The following CLASP1 variants were observed in gnomAD, a reference collection of about 807,000 sequenced individuals.
CLASP1 encodes the protein CLIP-associating protein 1.
A neutral mutation model predicts 192.3 loss-of-function variants in CLASP1; 38 were observed. That is an observed-to-expected ratio of 0.20 (90% CI 0.15 to 0.26). The LOEUF (loss-of-function observed/expected upper bound fraction) is 0.26, where lower values mean the gene tolerates loss of function less well. Among genes scored for constraint, CLASP1 ranks in the 10% least tolerant of loss-of-function variants. CLASP1 has a pLI of 1.00. For synonymous variants in CLASP1, 691 were observed against 712.8 expected, an observed-to-expected ratio of 0.97 and a Z score of 0.49; for missense variants, 1,433 against 1,932.5, an observed-to-expected ratio of 0.74 and a Z score of 4.85.
chr2:121,594,069 C>A (rs28446341), intron 2 of CLASP1, among the ~76,000 whole-genome samples: 2,995 of 151,486 alleles, frequency 0.02, 90 homozygotes, highest in African/African-American at 0.068. Flanking sequence ...GAGGCCGAGG[C>A]GGGTGGAGAT....
At chr2:121,516,948 T>C (rs2094314635) in intron 6 of CLASP1, among the ~76,000 whole-genome samples, 1 of 152,186 alleles carries the variant, frequency 6.6e-6, no homozygotes, top group Admixed American at 6.5e-5. Context: ...GGAGAATCAC[T>C]TGGAGGCGGA....
At chr2:121,352,244 C>T (rs377540187) in intron 37 of CLASP1, among the ~76,000 whole-genome samples, 21 of 152,370 alleles carry the variant, frequency 1.4e-4, no homozygotes, top group African/African-American at 4.3e-4. Flanking sequence ...CATGCACAGC[C>T]GGCCTGCCCT....
At chr2:121,627,340 G>A (rs1297958472) in intron 1 of CLASP1, among the ~76,000 whole-genome samples, 2 of 152,142 alleles carry the variant, frequency 1.3e-5, no homozygotes, top group African/African-American at 2.4e-5. Flanking sequence ...AAATGGAAAG[G>A]CTCTTGGTTC....
intron 7 of CLASP1, among the ~76,000 whole-genome samples, chr2:121,508,507 C>T (rs1353199540): frequency 6.6e-6 from 1 of 152,048 alleles, no homozygotes; most frequent in Non-Finnish European, 1.5e-5. Context: ...TTCTACCTTG[C>T]CAGTACTACA....
chr2:121,503,154 T>C lies in CLASP1; in HGVS notation c.712+13A>G. The C allele has an allele frequency of 6.5e-7, 1 of 1,532,730 alleles. No homozygotes were observed. Among genetic ancestry groups the C allele is most frequent in the Non-Finnish European group, 8.8e-7 (1 of 1,131,060 alleles). 94.9% of individuals were successfully genotyped at this position (1,532,730 alleles called of 1,614,324 possible). A position where few individuals can be genotyped will look rare whatever the true frequency, so the allele number is the denominator to read the frequency against. On this transcript the variant is annotated intron_variant, in intron 8 of 39. Coordinates refer to ENST00000263710, the Ensembl canonical transcript of CLASP1. The stretch of plus-strand genomic sequence containing the variant: ...CTGAAAAAGCAAAAGTAGGGATTGC[T>C]TTTTCTACTCACCATTTGCAGATTG...
chr2:121,530,788 C>A (rs932003545), intron 2 of CLASP1: 4 of 589,064 alleles, frequency 6.8e-6, no homozygotes, highest in African/African-American at 5.6e-5. Flanking sequence ...AAGCTAGCTA[C>A]CAGACCGACT....
intron 7 of CLASP1, among the ~76,000 whole-genome samples, chr2:121,511,907 C>T (rs2094147625): frequency 6.6e-6 from 1 of 152,146 alleles, no homozygotes; most frequent in Non-Finnish European, 1.5e-5. Context: ...TCTGCTTTCA[C>T]CTTGGGTTCT....
At chr2:121,411,514 C>T (rs1181660168) in intron 23 of CLASP1, among the ~76,000 whole-genome samples, 4 of 152,054 alleles carry the variant, frequency 2.6e-5, no homozygotes, top group African/African-American at 7.2e-5. Flanking sequence ...ACAAAAATTA[C>T]TTAAAAATCA....
intron 2 of CLASP1, among the ~76,000 whole-genome samples, chr2:121,568,038 C>G (rs982077597): frequency 3.3e-5 from 5 of 152,176 alleles, no homozygotes; most frequent in Non-Finnish European, 5.9e-5. Flanking sequence ...GCTTTATACA[C>G]TTTCAGGATG....
chr2:121,531,109 GTTTTAGTGTCGCAAGTAAAGTTC>G (rs1224766239), intron 2 of CLASP1: 3 of 639,332 alleles, frequency 4.7e-6, no homozygotes, highest in Non-Finnish European at 8.6e-6. Context: ...AAGACGCGTG[GTTTTAGTGTCGCAAGTAAAGTTC>G]TTTCAGTTTT....
At chr2:121,385,421 CTT>C (rs1267783217) in intron 32 of CLASP1, among the ~76,000 whole-genome samples, 12 of 152,290 alleles carry the variant, frequency 7.9e-5, no homozygotes, top group African/African-American at 2.6e-4. Flanking sequence ...AAATAAATCT[CTT>C]TGTTTCTTCC....
At position 121,435,554 on chromosome 2, in the gene CLASP1, G is replaced by A. The variant is rs189849207; in HGVS notation, c.1913-5377C>T. On this transcript the variant is annotated intron_variant, in intron 19 of 39. Transcript: ENST00000263710. ...CTCCCAAAGTGTTGGGATTACAGGC[G>A]TGAGCCACCATGCCCGCCCTATTTT... Among the ~76,000 whole-genome samples the A allele has an allele frequency of 4.8e-4, 73 of 152,244 alleles. 1 individual carries two copies. Among genetic ancestry groups the A allele is most frequent in the Middle Eastern group, 3.4e-3 (1 of 294 alleles).
At chr2:121,413,758 G>A (rs893208678) in intron 23 of CLASP1, among the ~76,000 whole-genome samples, 1 of 152,184 alleles carries the variant, frequency 6.6e-6, no homozygotes. Flanking sequence ...ATATTTGACA[G>A]TTTATTTGGA....
At chr2:121,387,033 G>T in intron 32 of CLASP1, 89 bp downstream of exon 33, 1 of 1,050,020 alleles carries the variant, frequency 9.5e-7, no homozygotes, top group Non-Finnish European at 1.4e-6. Context: ...TTGTTATTTA[G>T]CTTAGTCTAA....
At chr2:121,493,040 A>G (rs2093386978) in intron 8 of CLASP1, among the ~76,000 whole-genome samples, 1 of 152,214 alleles carries the variant, frequency 6.6e-6, no homozygotes, top group Non-Finnish European at 1.5e-5. Context: ...TAACAAAGCA[A>G]TTTTAAAAGA....
At chr2:121,501,123 A>T (rs1048405859) in intron 8 of CLASP1, among the ~76,000 whole-genome samples, 1 of 152,162 alleles carries the variant, frequency 6.6e-6, no homozygotes. Context: ...TTTCTCCCCA[A>T]TGCCAGCACT....
intron 37 of CLASP1, among the ~76,000 whole-genome samples, chr2:121,353,790 A>ACG (rs2064924338): frequency 7.2e-6 from 1 of 138,316 alleles, no homozygotes; most frequent in South Asian, 2.2e-4. Context: ...GTGCACATGC[A>ACG]CGCACACACA....
chr2:121,464,088 A>C (rs1025723919), intron 9 of CLASP1, among the ~76,000 whole-genome samples: 1 of 147,312 alleles, frequency 6.8e-6, no homozygotes, highest in Non-Finnish European at 1.5e-5. Flanking sequence ...GAGTGAGCAT[A>C]TGCGGTGTTT....
intron 7 of CLASP1, among the ~76,000 whole-genome samples, chr2:121,514,639 C>T (rs2094236558): frequency 6.6e-6 from 1 of 152,222 alleles, no homozygotes; most frequent in South Asian, 2.1e-4. Flanking sequence ...GCATGACTCT[C>T]AACCACAAGG....
Sources: allele counts gnomAD v4.1 joint callset (sites outside exome capture counted in the v4.1 genomes callset), GRCh38; gene constraint gnomAD v4.1.1; transcripts MANE v1.5; gene names NCBI Gene and HGNC (gene_info 2026-07-23, HGNC 2026-07-21).